The following KCNN2 variants were observed in gnomAD, a reference collection of about 807,000 sequenced individuals.
KCNN2 encodes potassium calcium-activated channel subfamily N member 2.
Under a neutral mutation model 55.5 loss-of-function variants are expected in KCNN2, and 24 were observed. The ratio of observed to expected loss-of-function variants is 0.43; its 90% confidence interval spans 0.31 to 0.61. The LOEUF (loss-of-function observed/expected upper bound fraction) is 0.61. Ranked by LOEUF, KCNN2 falls within the 20% of genes least tolerant of loss-of-function variation. The pLI is 0.08. For missense variants in KCNN2, 754 were observed against 853.6 expected (o/e 0.88, Z 1.45); for synonymous variants, 431 against 336.1 (o/e 1.28, Z -3.09).
chr5:114,067,691 ATTTGT>A (rs1191318498), intron 1 of KCNN2, among the ~76,000 whole-genome samples: 1 of 152,082 alleles, frequency 6.6e-6, no homozygotes, highest in Non-Finnish European at 1.5e-5. Flanking sequence ...ATTTGTGATG[ATTTGT>A]TTTATCTTTG....
rs539600449 is a variant in KCNN2 at position 114,171,079 on chromosome 5, A to G, written c.-270-50401A>G. On this transcript the variant is annotated intron_variant, in intron 1 of 10. Transcript: ENST00000512097. ...TTTTGAATACTGATCCTGACTCTCT[A>G]TCTTTCCATTCTGATGTTCCACTGT... Among the ~76,000 whole-genome samples, 7 of 152,026 alleles carry G rather than the reference A, an allele frequency of 4.6e-5. No homozygotes were observed. In the South Asian group the frequency reaches 8.3e-4, roughly 18 times the overall value.
chr5:114,247,219 AAAAAG>A (rs1561539426), intron 2 of KCNN2, among the ~76,000 whole-genome samples: 6 of 149,440 alleles, frequency 4.0e-5, no homozygotes, highest in East Asian at 1.9e-4. Flanking sequence ...AAAAAAAAAA[AAAAAG>A]AAAAGAAAAG....
At chr5:114,101,062 AC>A (rs1751364400) in intron 1 of KCNN2, among the ~76,000 whole-genome samples, 1 of 152,016 alleles carries the variant, frequency 6.6e-6, no homozygotes, top group African/African-American at 2.4e-5. Flanking sequence ...TATTATTATA[AC>A]TTTTATTTCT....
chr5:114,440,940 T>C lies in KCNN2; in HGVS notation c.1638-22109T>C, dbSNP rs1184978425. Among the ~76,000 whole-genome samples, 4 of 152,052 alleles carry C rather than the reference T, an allele frequency of 2.6e-5. No homozygotes were observed. In the South Asian group the frequency reaches 8.3e-4, roughly 31 times the overall value. Reference sequence around the variant, plus strand: ...TTTTTTTATTCTAACTATATAAAGCTTACAAGAGTTATAGCTAAAACAAGT... The same window carrying C: ...TTTTTTTATTCTAACTATATAAAGCCTACAAGAGTTATAGCTAAAACAAGT... On this transcript the variant is annotated intron_variant, in intron 3 of 7. Transcript: ENST00000673685.
chr5:114,113,347 C>G (rs922574215), intron 1 of KCNN2, among the ~76,000 whole-genome samples: 15 of 151,580 alleles, frequency 9.9e-5, no homozygotes, highest in Non-Finnish European at 1.5e-4. Context: ...TCTCATTATC[C>G]AAGTTAAAAT....
chr5:114,478,771 C>T (rs556651954), intron 5 of KCNN2, among the ~76,000 whole-genome samples: 5 of 152,108 alleles, frequency 3.3e-5, no homozygotes, highest in Non-Finnish European at 7.4e-5. Context: ...AATTTCCAAC[C>T]TAGAATTTCG....
At chr5:114,293,078 A>T (rs1166707791) in intron 2 of KCNN2, among the ~76,000 whole-genome samples, 1 of 152,218 alleles carries the variant, frequency 6.6e-6, no homozygotes, top group East Asian at 1.9e-4. Context: ...TTATCAGCTT[A>T]TGGAGATTTT....
intron 1 of KCNN2, among the ~76,000 whole-genome samples, chr5:114,129,690 G>T (rs986763010): frequency 1.3e-5 from 2 of 152,194 alleles, no homozygotes; most frequent in African/African-American, 4.8e-5. Context: ...GTGAATACCT[G>T]AGTTTCACAC....
At chr5:114,278,814 C>G (rs1360879673) in intron 2 of KCNN2, among the ~76,000 whole-genome samples, 1 of 152,182 alleles carries the variant, frequency 6.6e-6, no homozygotes, top group African/African-American at 2.4e-5. Flanking sequence ...CCTCTGATCC[C>G]TTGTGCTTCC....
chr5:114,133,558 C>T (rs182774091), intron 1 of KCNN2, among the ~76,000 whole-genome samples: 138 of 152,240 alleles, frequency 9.1e-4, no homozygotes, highest in Non-Finnish European at 1.8e-3. Flanking sequence ...GGTCACTTCT[C>T]TGGGAGCATT....
chr5:114,180,096 A>C (rs1753210187), intron 1 of KCNN2, among the ~76,000 whole-genome samples: 1 of 152,254 alleles, frequency 6.6e-6, no homozygotes, highest in Admixed American at 6.5e-5. Flanking sequence ...GGACAAATAT[A>C]ACAAGACAAA....
intron 2 of KCNN2, among the ~76,000 whole-genome samples, chr5:114,235,632 C>T (rs757521220): frequency 2.0e-5 from 3 of 152,114 alleles, no homozygotes; most frequent in Non-Finnish European, 4.4e-5. Flanking sequence ...TCTGGGTGAA[C>T]AGGTTTAAGA....
chr5:114,433,570 A>G (rs1337569238), intron 3 of KCNN2: 2 of 152,434 alleles, frequency 1.3e-5, no homozygotes, highest in African/African-American at 4.8e-5. Context: ...CTCTTTTGCA[A>G]TAAATCTTGC....
At chr5:114,285,004 T>C (rs1346410334) in intron 2 of KCNN2, among the ~76,000 whole-genome samples, 2 of 151,292 alleles carry the variant, frequency 1.3e-5, no homozygotes, top group African/African-American at 4.9e-5. Flanking sequence ...GTTGGCAGGC[T>C]GGGCGCGGTG....
At chr5:114,370,583 A>G (rs1215536738) in intron 2 of KCNN2, among the ~76,000 whole-genome samples, 1 of 152,122 alleles carries the variant, frequency 6.6e-6, no homozygotes, top group East Asian at 1.9e-4. Context: ...TTTCTGAGAA[A>G]GTGACATTTA....
chr5:114,266,863 T>G (rs1377153032), intron 2 of KCNN2, among the ~76,000 whole-genome samples: 1 of 152,212 alleles, frequency 6.6e-6, no homozygotes. Flanking sequence ...TTGCAGTTTT[T>G]CCTAAGATGT....
At chr5:114,350,144 G>T (rs1055195007) in intron 2 of KCNN2, among the ~76,000 whole-genome samples, 10 of 151,688 alleles carry the variant, frequency 6.6e-5, no homozygotes, top group African/African-American at 2.4e-4. Context: ...ACACAGAATT[G>T]TACATATTTA....
intron 2 of KCNN2, among the ~76,000 whole-genome samples, chr5:114,279,021 ATT>A (rs11292961): frequency 6.6e-6 from 1 of 151,596 alleles, no homozygotes; most frequent in Admixed American, 6.6e-5. Flanking sequence ...CCTAGTTCTC[ATT>A]TTTTTTTGTT....
At chr5:114,295,200 T>A (rs1755982343) in intron 2 of KCNN2, among the ~76,000 whole-genome samples, 1 of 152,194 alleles carries the variant, frequency 6.6e-6, no homozygotes, top group Non-Finnish European at 1.5e-5. Flanking sequence ...TCCAGCTGCG[T>A]GCTGGGAGAA....
Sources: gnomAD v4.1 joint callset for allele counts (sites outside exome capture counted in the v4.1 genomes callset) on GRCh38, gnomAD v4.1.1 for gene constraint, MANE v1.5 for transcripts, NCBI Gene and HGNC (gene_info 2026-07-23, HGNC 2026-07-21) for gene names.